Variants in PDE3B observed in about 807,000 individuals in gnomAD.
PDE3B encodes cGMP-inhibited 3',5'-cyclic phosphodiesterase 3B.
In PDE3B, 66 loss-of-function variants were observed where a neutral mutation model predicts 116.8. The observed-to-expected ratio is 0.56, with a 90% CI of 0.46 to 0.69. PDE3B has a LOEUF of 0.69. Among genes scored for constraint, PDE3B ranks in the 30% least tolerant of loss-of-function variants. The probability of loss-of-function intolerance (pLI) is 0.00; values close to 1 mark genes in which losing one functional copy is unlikely to be tolerated. For synonymous variants in PDE3B, 595 were observed against 533.6 expected (o/e 1.12, Z -1.59); for missense variants, 1,384 against 1,368.1 (o/e 1.01, Z -0.18).
intron 13 of PDE3B, 81 bp from the exon 14 acceptor site, chr11:14,861,124 G>A (rs913065887): frequency 3.8e-6 from 4 of 1,062,738 alleles, no homozygotes; most frequent in Non-Finnish European, 5.6e-6. Flanking sequence ...ACAGTTTTAA[G>A]ATAATTTGGT....
intron 1 of PDE3B, among the ~76,000 whole-genome samples, chr11:14,742,408 T>A (rs955001900): frequency 2.6e-5 from 4 of 152,220 alleles, no homozygotes; most frequent in Non-Finnish European, 5.9e-5. Flanking sequence ...TTCATGAAGT[T>A]CTTGTGCTGT....
At chr11:14,712,230 C>T (rs532393488) in intron 1 of PDE3B, among the ~76,000 whole-genome samples, 178 of 151,854 alleles carry the variant, frequency 1.2e-3, no homozygotes, top group African/African-American at 4.0e-3. Context: ...GGACTACAGA[C>T]GTGTGCCACC....
At chr11:14,822,608 C>T (rs1361845022) in intron 7 of PDE3B, among the ~76,000 whole-genome samples, 1 of 152,184 alleles carries the variant, frequency 6.6e-6, no homozygotes, top group South Asian at 2.1e-4. Context: ...CTCGTAAACC[C>T]ACTGCACCAG....
At chr11:14,746,161 A>C (rs1856904873) in intron 1 of PDE3B, among the ~76,000 whole-genome samples, 1 of 152,214 alleles carries the variant, frequency 6.6e-6, no homozygotes, top group Non-Finnish European at 1.5e-5. Flanking sequence ...TGGGAGGCCA[A>C]GGCGGATGGA....
At chr11:14,681,281 G>A (rs1488069346) in intron 1 of PDE3B, among the ~76,000 whole-genome samples, 1 of 152,088 alleles carries the variant, frequency 6.6e-6, no homozygotes, top group South Asian at 2.1e-4. Context: ...ACTGTGATAC[G>A]GTTTGGCTGT....
chr11:14,663,756 C>T (rs1045042437), intron 1 of PDE3B, among the ~76,000 whole-genome samples: 1 of 152,024 alleles, frequency 6.6e-6, no homozygotes, highest in African/African-American at 2.4e-5. Context: ...ACAGGAGCAC[C>T]CAGATTCAGA....
chr11:14,741,915 GC>G (rs1336810554), intron 1 of PDE3B, among the ~76,000 whole-genome samples: 1 of 152,032 alleles, frequency 6.6e-6, no homozygotes, highest in African/African-American at 2.4e-5. Context: ...TTGAATATTG[GC>G]CCCTACTTTC....
At chr11:14,817,966 G>A (rs1859384999) in intron 5 of PDE3B, among the ~76,000 whole-genome samples, 1 of 152,016 alleles carries the variant, frequency 6.6e-6, no homozygotes, top group African/African-American at 2.4e-5. Context: ...CCAACAAGGG[G>A]TGTTTACCCA....
At chr11:14,897,292 C>T in the PDE3B span, among the ~76,000 whole-genome samples, 2 of 152,104 alleles carry the variant, frequency 1.3e-5, no homozygotes, top group African/African-American at 4.8e-5. Flanking sequence ...TTTGGGAGCC[C>T]TAATACCCTG....
At chr11:14,663,065 C>T (rs867469454) in intron 1 of PDE3B, among the ~76,000 whole-genome samples, 56 of 151,928 alleles carry the variant, frequency 3.7e-4, no homozygotes, top group East Asian at 2.5e-3. Context: ...AGAGAAAGGT[C>T]GGGTTACCCA....
chr11:14,778,632 C>T (rs1213299156), intron 2 of PDE3B, among the ~76,000 whole-genome samples: 2 of 152,204 alleles, frequency 1.3e-5, no homozygotes, highest in Non-Finnish European at 2.9e-5. Flanking sequence ...AACTAACAAA[C>T]AGAAAGAACA....
the PDE3B span, among the ~76,000 whole-genome samples, chr11:14,888,608 A>G: frequency 6.6e-6 from 1 of 152,132 alleles, no homozygotes; most frequent in Non-Finnish European, 1.5e-5. Context: ...TGAACCACAC[A>G]TGGGAGCTTA....
rs1848112138 is a variant in PDE3B at position 14,869,702 on chromosome 11, G to C, written c.*42G>C. On this transcript the variant is annotated 3_prime_UTR_variant, in exon 16 of 16. Transcript: ENST00000282096. Reference sequence around the variant, plus strand: ...AGAAAAGTCATATTGAAGAAGCCCAGAGGGTTGTGCCCAGGGGCAGAAATC... The same window carrying C: ...AGAAAAGTCATATTGAAGAAGCCCACAGGGTTGTGCCCAGGGGCAGAAATC... 2 of 1,549,704 alleles carry C rather than the reference G, an allele frequency of 1.3e-6. No individual in the cohort carries two copies. Among genetic ancestry groups the C allele is most frequent in the Non-Finnish European group, 1.8e-6 (2 of 1,128,584 alleles).
intron 3 of PDE3B, among the ~76,000 whole-genome samples, chr11:14,787,649 T>C (rs1309311758): frequency 6.6e-6 from 1 of 151,944 alleles, no homozygotes; most frequent in African/African-American, 2.4e-5. Context: ...GTGATACTTT[T>C]ATTTTTTTAA....
At chr11:14,855,279 T>C (rs1232461837) in intron 12 of PDE3B, among the ~76,000 whole-genome samples, 2 of 150,150 alleles carry the variant, frequency 1.3e-5, no homozygotes, top group Non-Finnish European at 3.0e-5. Flanking sequence ...GAAAGTTGAA[T>C]AGAGAAAAAA....
At chr11:14,647,457 T>C (rs1320846956) in intron 1 of PDE3B, among the ~76,000 whole-genome samples, 1 of 151,974 alleles carries the variant, frequency 6.6e-6, no homozygotes, top group Non-Finnish European at 1.5e-5. Flanking sequence ...AATTCTAAAA[T>C]TAAATTCTTT....
At chr11:14,770,709 T>G (rs1857615247) in intron 1 of PDE3B, among the ~76,000 whole-genome samples, 1 of 151,622 alleles carries the variant, frequency 6.6e-6, no homozygotes. Flanking sequence ...ACAAGTCTTC[T>G]GAGTGATTGT....
intron 1 of PDE3B, among the ~76,000 whole-genome samples, chr11:14,744,522 A>G (rs1856853668): frequency 6.6e-6 from 1 of 152,144 alleles, no homozygotes; most frequent in Non-Finnish European, 1.5e-5. Flanking sequence ...TAAGTTTATT[A>G]CCAAGTATTT....
chr11:14,699,271 A>G (rs1855297828), intron 1 of PDE3B: 2 of 151,884 alleles, frequency 1.3e-5, no homozygotes, highest in Admixed American at 1.3e-4. Flanking sequence ...TCTTTACAGT[A>G]TATGATAGGT....
Sources: allele counts gnomAD v4.1 joint callset (sites outside exome capture counted in the v4.1 genomes callset), GRCh38; gene constraint gnomAD v4.1.1; transcripts MANE v1.5; gene names NCBI Gene and HGNC (gene_info 2026-07-23, HGNC 2026-07-21).